PLOD2: variants seen among roughly 807,000 people sequenced by gnomAD.
The protein encoded by PLOD2 is procollagen-lysine,2-oxoglutarate 5-dioxygenase 2.
In PLOD2, 65 loss-of-function variants were observed where a neutral mutation model predicts 101.0. The ratio of observed to expected loss-of-function variants is 0.64; its 90% CI spans 0.53 to 0.79. The LOEUF is 0.79. Among genes scored for constraint, PLOD2 ranks in the 30% least tolerant of loss-of-function variants. The pLI is 0.00. For missense variants in PLOD2, 909 were observed against 914.6 expected (o/e 0.99, Z 0.08); for synonymous variants, 314 against 302.9 (o/e 1.04, Z -0.38).
intron 7 of PLOD2, among the ~76,000 whole-genome samples, chr3:146,097,037 C>T (rs774453395): frequency 2.2e-3 from 322 of 147,924 alleles, no homozygotes; most frequent in African/African-American, 6.8e-3. Context: ...CCGCCCCGTC[C>T]GGGAGGTGAG....
chr3:146,133,943 A>G (rs2031076523), intron 1 of PLOD2, among the ~76,000 whole-genome samples: 1 of 152,236 alleles, frequency 6.6e-6, no homozygotes, highest in South Asian at 2.1e-4. Flanking sequence ...GTGGAAAATT[A>G]TAAGAGCTTG....
rs1375033921 is a variant in PLOD2 at position 146,070,660 on chromosome 3, G to A, written c.*57C>T. 15 of 1,144,510 alleles carry A rather than the reference G, an allele frequency of 1.3e-5. No homozygotes were observed. The highest frequency in any genetic ancestry group is 7.1e-5 in the East Asian group (3 of 42,292). The allele number at this position is 1,144,510 out of a possible 1,614,324, so 70.9% of individuals were successfully genotyped here. A position where few individuals can be genotyped will look rare whatever the true frequency, so the allele number is the denominator to read the frequency against. The stretch of plus-strand genomic sequence containing the variant: ...TCTTCTCAGCCACAACTTCAAAGAC[G>A]TGTTCATGCCAGTCATTCATCCAAA... On this transcript the variant is annotated 3_prime_UTR_variant, in exon 20 of 20. Coordinates refer to ENST00000282903, the MANE Select transcript of PLOD2 (RefSeq NM_182943.3).
intron 1 of PLOD2, among the ~76,000 whole-genome samples, chr3:146,148,721 A>G (rs1868541): frequency 0.69 from 104,509 of 152,132 alleles, 36,298 homozygotes; most frequent in East Asian, 0.8. Flanking sequence ...CAAGTGATAT[A>G]AAACACATCC....
At chr3:146,111,972 T>G (rs1398749225) in intron 3 of PLOD2, among the ~76,000 whole-genome samples, 3 of 152,166 alleles carry the variant, frequency 2.0e-5, no homozygotes, top group Non-Finnish European at 2.9e-5. Flanking sequence ...AAACAGACCC[T>G]TTGTGCATTG....
intron 2 of PLOD2, among the ~76,000 whole-genome samples, chr3:146,122,350 A>T (rs896864083): frequency 7.9e-5 from 12 of 152,182 alleles, no homozygotes; most frequent in Admixed American, 6.5e-4. Context: ...TTTGTTCCAC[A>T]ACCCATCTGG....
chr3:146,072,416 C>A, intron 17 of PLOD2, 145 bp downstream of exon 17: 1 of 662,922 alleles, frequency 1.5e-6, no homozygotes, highest in African/African-American at 1.8e-5. Context: ...GAGAAGTAGA[C>A]TGAAATCAGA....
chr3:146,085,243 A>G lies in PLOD2; in HGVS notation c.1158T>C (p.Asp386=). 6.2e-7 allele frequency: 1 copy of G among 1,606,822 alleles called. No individual in the cohort carries two copies. The highest frequency in any genetic ancestry group is 8.5e-7 in the Non-Finnish European group (1 of 1,173,676). Residue 386 remains aspartate, a synonymous_variant, in exon 11 of 20, where the codon GAT becomes GAC. Coordinates refer to ENST00000282903, the MANE Select transcript of PLOD2 (RefSeq NM_182943.3). ...CATCTGCATCCACACTAAAGTAATA[A>G]TCACACTTTTCATCCTGACGGCAAA... is the stretch of plus-strand genomic sequence containing the variant. ...MDFCRQDEKC[D]YYFSVDADVV...
At chr3:146,128,199 T>C (rs763523602) in intron 1 of PLOD2, among the ~76,000 whole-genome samples, 124 of 152,258 alleles carry the variant, frequency 8.1e-4, no homozygotes, top group Non-Finnish European at 1.5e-3. Context: ...AAATGAATGA[T>C]ACAGTGAGAT....
chr3:146,095,616 A>G (rs1428374878), intron 7 of PLOD2, among the ~76,000 whole-genome samples: 1 of 152,146 alleles, frequency 6.6e-6, no homozygotes, highest in Non-Finnish European at 1.5e-5. Context: ...GTGGGAGTGT[A>G]AATTATTTCA....
chr3:146,072,224 C>T (rs190112742), intron 17 of PLOD2, among the ~76,000 whole-genome samples: 64 of 151,438 alleles, frequency 4.2e-4, no homozygotes, highest in Admixed American at 8.6e-4. Context: ...ACTGTGAAAA[C>T]GCAAGGAATA....
intron 1 of PLOD2, among the ~76,000 whole-genome samples, chr3:146,150,507 T>C (rs2032005318): frequency 6.6e-6 from 1 of 152,134 alleles, no homozygotes; most frequent in Non-Finnish European, 1.5e-5. Flanking sequence ...TTCTCACTTA[T>C]ATGTGGAAGC....
chr3:146,149,683 T>G (rs1444053557), intron 1 of PLOD2, among the ~76,000 whole-genome samples: 1 of 152,182 alleles, frequency 6.6e-6, no homozygotes, highest in Non-Finnish European at 1.5e-5. Flanking sequence ...CAACCTAATA[T>G]ACTGTACAAA....
intron 10 of PLOD2, chr3:146,085,552 A>G (rs1936738361): frequency 4.1e-6 from 2 of 487,780 alleles, no homozygotes; most frequent in Admixed American, 7.7e-5. Context: ...AACATCCACA[A>G]ATCAAAATGT....
intron 4 of PLOD2, 117 bp downstream of exon 4, chr3:146,110,168 A>C: frequency 1.2e-6 from 1 of 847,658 alleles, no homozygotes; most frequent in Non-Finnish European, 1.9e-6. Flanking sequence ...TCAATATACT[A>C]ATAATAAAAT....
At position 146,154,671 on chromosome 3, in the gene PLOD2, CACTT is replaced by C. The variant is rs201474183; in HGVS notation, c.109+6206_109+6209del. On this transcript the variant is annotated intron_variant, in intron 1 of 19. Coordinates refer to ENST00000282903, the MANE Select transcript of PLOD2 (RefSeq NM_182943.3). Reference sequence around the variant, plus strand: ...CACACTAACAAATTAAGCATTTTCTCACTTAATCACATCTCCTTTAAGAAATAAA... The same window carrying C: ...CACACTAACAAATTAAGCATTTTCTCAATCACATCTCCTTTAAGAAATAAA... 8.5e-4 allele frequency among the ~76,000 whole-genome samples: 129 copies of C among 152,204 alleles called. 1 individual carries two copies. The East Asian group carries it at 0.02, about 24-fold the overall frequency.
intron 11 of PLOD2, among the ~76,000 whole-genome samples, chr3:146,082,904 A>G (rs1164075501): frequency 1.3e-5 from 2 of 152,154 alleles, no homozygotes; most frequent in Non-Finnish European, 2.9e-5. Flanking sequence ...CAAAAAAATA[A>G]ATAAATAAAA....
chr3:146,130,864 C>A (rs2030867370), intron 1 of PLOD2, among the ~76,000 whole-genome samples: 1 of 152,170 alleles, frequency 6.6e-6, no homozygotes, highest in Non-Finnish European at 1.5e-5. Context: ...TTAGAAAGAT[C>A]TGCTTGTAAG....
intron 3 of PLOD2, among the ~76,000 whole-genome samples, chr3:146,120,662 T>C (rs2030056150): frequency 6.6e-6 from 1 of 152,164 alleles, no homozygotes; most frequent in African/African-American, 2.4e-5. Context: ...CAAAAGAAAC[T>C]ACCATCAGAG....
At chr3:146,130,434 C>T (rs1490369234) in intron 1 of PLOD2, among the ~76,000 whole-genome samples, 1 of 152,124 alleles carries the variant, frequency 6.6e-6, no homozygotes, top group Admixed American at 6.6e-5. Context: ...AGATTAAAGT[C>T]TCTCTCTCCA....
Sources: gnomAD v4.1 joint callset for allele counts (sites outside exome capture counted in the v4.1 genomes callset) on GRCh38, gnomAD v4.1.1 for gene constraint, MANE v1.5 for transcripts, NCBI Gene and HGNC (gene_info 2026-07-23, HGNC 2026-07-21) for gene names.